The following IL6ST variants were observed in gnomAD, a reference collection of about 807,000 sequenced individuals.
The protein encoded by IL6ST is interleukin 6 cytokine family signal transducer, also known as interleukin-6 receptor subunit beta.
In IL6ST, 24 loss-of-function variants were observed where a neutral mutation model predicts 91.3. The observed-to-expected ratio is 0.26, with a 90% CI of 0.19 to 0.37. IL6ST has a LOEUF of 0.37. Among genes scored for constraint, IL6ST ranks in the 10% least tolerant of loss-of-function variants. The pLI is 1.00. For synonymous variants in IL6ST, 351 were observed against 373.6 expected (o/e 0.94, Z 0.70); for missense variants, 914 against 1,078.5 (o/e 0.85, Z 2.14).
intron 3 of IL6ST, among the ~76,000 whole-genome samples, chr5:55,974,587 C>T (rs1753161908): frequency 7.3e-6 from 1 of 137,852 alleles, no homozygotes; most frequent in Admixed American, 6.8e-5. Context: ...CAGGCTCAAG[C>T]GATTCTCCTG....
chr5:55,972,936 C>A (rs1359892887), intron 3 of IL6ST, among the ~76,000 whole-genome samples: 2 of 150,012 alleles, frequency 1.3e-5, no homozygotes, highest in African/African-American at 4.9e-5. Context: ...ACCTGGGGGG[C>A]AGAGGTTGCA....
At chr5:55,942,629 T>C (rs750002139) in intron 16 of IL6ST, 41 bp downstream of exon 16, 16 of 1,037,968 alleles carry the variant, frequency 1.5e-5, no homozygotes, top group South Asian at 3.9e-5. Flanking sequence ...CCTACTAACA[T>C]GTCTGTATAT....
intron 3 of IL6ST, among the ~76,000 whole-genome samples, chr5:55,970,577 A>G (rs1427950656): frequency 6.6e-6 from 1 of 152,164 alleles, no homozygotes; most frequent in African/African-American, 2.4e-5. Flanking sequence ...AGTCCCAGCT[A>G]TTCGGGAGGC....
At chr5:55,983,451 A>G (rs1753780110) in intron 1 of IL6ST, among the ~76,000 whole-genome samples, 1 of 152,216 alleles carries the variant, frequency 6.6e-6, no homozygotes, top group African/African-American at 2.4e-5. Flanking sequence ...CACTAAATTA[A>G]GCCTGCTAAC....
intron 3 of IL6ST, among the ~76,000 whole-genome samples, chr5:55,974,585 AGCGATTCTCCT>A (rs111522715): frequency 0.051 from 7,817 of 152,204 alleles, 704 homozygotes; most frequent in African/African-American, 0.18. Context: ...CCCAGGCTCA[AGCGATTCTCCT>A]GCCTCAGCCT....
chr5:55,936,345 T>G lies in IL6ST; in HGVS notation c.*4737A>C. On this transcript the variant is annotated 3_prime_UTR_variant, in exon 17 of 17. Transcript: ENST00000381298. The stretch of plus-strand genomic sequence containing the variant: ...GGGCTCTTGACAACCAAGTAGGTTT[T>G]TTTTTTTTTTTTTTTTTTTAATGTC... 2 of 190,330 alleles carry G rather than the reference T, an allele frequency of 1.1e-5. No individual in the cohort carries two copies. Among genetic ancestry groups the G allele is most frequent in the African/African-American group, 4.9e-5 (2 of 40,812 alleles). 11.8% of individuals were successfully genotyped at this position (190,330 alleles called of 1,614,324 possible).
chr5:55,946,815 C>CA (rs34769064), intron 15 of IL6ST, among the ~76,000 whole-genome samples: 1,820 of 116,456 alleles, frequency 0.016, 33 homozygotes, highest in African/African-American at 0.048. Context: ...GACTCCATCT[C>CA]AAAAAAAAAA....
In IL6ST at chr5:55,935,590, C is replaced by T. The variant is rs1750463096; in HGVS notation, c.*5492G>A. ...GCTGTTCACCCTGCTTTCGAGTTGGCTGAGCTTCCTGCTGCTTTCACACAT... is the reference window on the plus strand; with the variant it reads ...GCTGTTCACCCTGCTTTCGAGTTGGTTGAGCTTCCTGCTGCTTTCACACAT... On this transcript the variant is annotated 3_prime_UTR_variant, in exon 17 of 17. Transcript: ENST00000381298. The T allele has an allele frequency of 4.6e-6, 1 of 218,564 alleles. No individual in the cohort carries two copies. Among genetic ancestry groups the T allele is most frequent in the East Asian group, 6.7e-5 (1 of 14,950 alleles). The allele number at this position is 218,564 out of a possible 1,614,324, so 13.5% of individuals were successfully genotyped here.
Position 55,964,212 on chromosome 5 carries a change from C to T in IL6ST, c.592G>A (p.Val198Ile), listed in dbSNP as rs753748648. 5 of 1,610,176 alleles carry T rather than the reference C, an allele frequency of 3.1e-6. No individual in the cohort carries two copies. The highest frequency in any genetic ancestry group is 4.2e-6 in the Non-Finnish European group (5 of 1,177,496). ...TVYFVNIEVW[V>I]EAENALGKVT... is the part of the protein sequence containing the mutation. Reference sequence around the variant, plus strand: ...TTCCCAAGGGCATTCTCTGCTTCTACCCAGACTTCAATGTTGACAAAATAC... The same window carrying T: ...TTCCCAAGGGCATTCTCTGCTTCTATCCAGACTTCAATGTTGACAAAATAC... The change falls in exon 6 of 17, where the codon GTA becomes ATA. Residue 198 changes from valine (V) to isoleucine (I), a missense_variant. By Grantham distance (29) the Val-to-Ile change is conservative (BLOSUM62 3). Coordinates refer to ENST00000381298, the MANE Select transcript of IL6ST (RefSeq NM_002184.4).
intron 2 of IL6ST, among the ~76,000 whole-genome samples, chr5:55,981,367 G>C (rs550576980): frequency 6.6e-6 from 1 of 152,132 alleles, no homozygotes; most frequent in Non-Finnish European, 1.5e-5. Context: ...AATTATGGCC[G>C]GGTGCGGTGG....
chr5:55,991,209 T>C (rs907511047), intron 1 of IL6ST, among the ~76,000 whole-genome samples: 2 of 152,246 alleles, frequency 1.3e-5, no homozygotes, highest in Admixed American at 1.3e-4. Context: ...TACGTGTGCA[T>C]GTATGTCTTT....
At chr5:55,944,191 T>C (rs981422761) in intron 15 of IL6ST, among the ~76,000 whole-genome samples, 2 of 152,200 alleles carry the variant, frequency 1.3e-5, no homozygotes, top group Non-Finnish European at 2.9e-5. Context: ...AATGCTCTTA[T>C]ATGGTCTAGA....
chr5:55,935,198 G>A lies in IL6ST; in HGVS notation c.*5884C>T, dbSNP rs760518294. ...ACAATTTCATACAGAATGCACAGAT[G>A]TTTAAATAAAAAGCCATTTAAGTGA... is the stretch of plus-strand genomic sequence containing the variant. On this transcript the variant is annotated 3_prime_UTR_variant, in exon 17 of 17. Transcript: ENST00000381298. The A allele has an allele frequency of 1.1e-4, 19 of 180,610 alleles. No individual in the cohort carries two copies. The highest frequency in any genetic ancestry group is 1.5e-4 in the Non-Finnish European group (13 of 84,632). The allele number at this position is 180,610 out of a possible 1,614,324, so 11.2% of individuals were successfully genotyped here. A position where few individuals can be genotyped will look rare whatever the true frequency, so the allele number is the denominator to read the frequency against.
At chr5:55,976,400 T>C in intron 2 of IL6ST, 107 bp from the exon 3 acceptor site, 2 of 501,634 alleles carry the variant, frequency 4.0e-6, no homozygotes, top group Non-Finnish European at 6.8e-6. Flanking sequence ...TAAAAGGTGG[T>C]AAAATTCTTA....
chr5:55,939,343 AC>A lies in IL6ST; in HGVS notation c.*1738del, dbSNP rs2112651718. 1 of 202,440 alleles carries A rather than the reference AC, an allele frequency of 4.9e-6. No individual in the cohort carries two copies. The highest frequency in any genetic ancestry group is 1.9e-4 in the South Asian group (1 of 5,258). The allele number at this position is 202,440 out of a possible 1,614,324, so 12.5% of individuals were successfully genotyped here. Reference sequence around the variant, plus strand: ...GGGAAACTGAATATATCAGAATGAAACATCTATTTTTTTCATAAAGAAGATC... The same window carrying A: ...GGGAAACTGAATATATCAGAATGAAAATCTATTTTTTTCATAAAGAAGATC... On this transcript the variant is annotated 3_prime_UTR_variant, in exon 17 of 17. Transcript: ENST00000381298.
chr5:55,975,243 T>A (rs1753217111), intron 3 of IL6ST, among the ~76,000 whole-genome samples: 1 of 152,168 alleles, frequency 6.6e-6, no homozygotes, highest in Non-Finnish European at 1.5e-5. Context: ...ATTTCTCACT[T>A]GGTACTGCCT....
At chr5:55,972,407 G>A (rs2111831157) in intron 3 of IL6ST, among the ~76,000 whole-genome samples, 1 of 152,106 alleles carries the variant, frequency 6.6e-6, no homozygotes, top group East Asian at 1.9e-4. Context: ...AGCTACTTGG[G>A]AGGCTGAGGC....
Position 55,947,548 on chromosome 5 carries a change from C to T in IL6ST, c.1882G>A (p.Ala628Thr), listed in dbSNP as rs141642359. ...CCCAGAAGAGTTGTCAATAGGAATGCTAAGCAAACAGGCACGACTATGGCT... is the reference window on the plus strand; with the variant it reads ...CCCAGAAGAGTTGTCAATAGGAATGTTAAGCAAACAGGCACGACTATGGCT... ...IEAIVVPVCL[A>T]FLLTTLLGVL... Residue 628 changes from alanine (A) to threonine (T), a missense_variant, in exon 15 of 17, where the codon GCA (alanine) becomes ACA (threonine). By Grantham distance (58) the Ala-to-Thr change is moderately conservative (BLOSUM62 0). Coordinates refer to ENST00000381298, the MANE Select transcript of IL6ST (RefSeq NM_002184.4). The T allele has an allele frequency of 3.0e-5, 45 of 1,497,516 alleles. No individual in the cohort carries two copies. The highest frequency in any genetic ancestry group is 4.1e-5 in the Non-Finnish European group (45 of 1,110,184). The allele number at this position is 1,497,516 out of a possible 1,614,324, so 92.8% of individuals were successfully genotyped here.
chr5:55,992,245 C>T (rs1422849161), intron 1 of IL6ST, among the ~76,000 whole-genome samples: 2 of 152,182 alleles, frequency 1.3e-5, no homozygotes, highest in East Asian at 3.8e-4. Context: ...TAGTTTGAGG[C>T]ACCTGGTGGA....
Sources: gnomAD v4.1 joint callset for allele counts (sites outside exome capture counted in the v4.1 genomes callset) on GRCh38, gnomAD v4.1.1 for gene constraint, MANE v1.5 for transcripts, NCBI Gene and HGNC (gene_info 2026-07-23, HGNC 2026-07-21) for gene names.